Variants in TBCK observed in about 807,000 individuals in gnomAD.
The protein encoded by TBCK is TBC1 domain containing kinase.
In TBCK, 99 loss-of-function variants were observed where a neutral mutation model predicts 113.4. The ratio of observed to expected loss-of-function variants is 0.87; its 90% CI spans 0.74 to 1.03. TBCK has a LOEUF of 1.03. Ranked by LOEUF, TBCK falls within the 50% of genes least tolerant of loss-of-function variation. The probability of loss-of-function intolerance (pLI) is 0.00; values close to 1 mark genes in which losing one functional copy is unlikely to be tolerated. For missense variants in TBCK, 1,045 were observed against 1,061.3 expected, an observed-to-expected ratio of 0.98 and a Z score of 0.21; for synonymous variants, 369 against 370.8, an observed-to-expected ratio of 1.00 and a Z score of 0.05.
At position 106,117,994 on chromosome 4, in the gene TBCK, G is replaced by A. The variant is rs186724219; in HGVS notation, c.2236-1616C>T. Among the ~76,000 whole-genome samples the A allele has an allele frequency of 1.9e-3, 277 of 149,458 alleles. 1 individual carries two copies. The highest frequency in any genetic ancestry group is 1.3e-3 in the Non-Finnish European group (91 of 67,498). On this transcript the variant is annotated intron_variant, in intron 23 of 25. Transcript: ENST00000394708. ...ACTGCACTCCAGCCTGGGTGATAGA[G>A]TGAGACTCCGTCTCAAAAAAAAAAA... is the stretch of plus-strand genomic sequence containing the variant.
intron 3 of TBCK, among the ~76,000 whole-genome samples, chr4:106,279,236 A>T (rs1303957680): frequency 6.6e-6 from 1 of 152,186 alleles, no homozygotes; most frequent in Non-Finnish European, 1.5e-5. Context: ...GAATACAGAA[A>T]ATATAGTCAG....
intron 25 of TBCK, among the ~76,000 whole-genome samples, chr4:106,087,570 A>G (rs1347894305): frequency 6.6e-6 from 1 of 152,214 alleles, no homozygotes; most frequent in Non-Finnish European, 1.5e-5. Flanking sequence ...TCACAGAATT[A>G]GAAAAAACTA....
intron 18 of TBCK, 58 bp downstream of exon 18, chr4:106,231,671 G>A: frequency 6.6e-7 from 1 of 1,504,072 alleles, no homozygotes; most frequent in Non-Finnish European, 9.1e-7. Flanking sequence ...TTTCATGTGT[G>A]AATCAAATAT....
At chr4:106,272,863 C>G (rs1201305829) in intron 3 of TBCK, among the ~76,000 whole-genome samples, 2 of 152,126 alleles carry the variant, frequency 1.3e-5, no homozygotes, top group Non-Finnish European at 2.9e-5. Context: ...ATAAGCAAAG[C>G]AAACCAATCG....
At chr4:106,242,408 A>G in intron 12 of TBCK, 62 bp downstream of exon 12, 2 of 1,246,208 alleles carry the variant, frequency 1.6e-6, no homozygotes, top group Non-Finnish European at 2.2e-6. Flanking sequence ...TTTCTTGTGT[A>G]TCTGTAAGGT....
chr4:106,231,197 T>A (rs1758819662), intron 18 of TBCK, among the ~76,000 whole-genome samples: 2 of 149,730 alleles, frequency 1.3e-5, no homozygotes, highest in Non-Finnish European at 3.0e-5. Context: ...AAGCCTACAA[T>A]AATAAAGTTA....
rs77522692 is a variant in TBCK, at chr4:106,239,916, G to A, written c.1170+2554C>T. On this transcript the variant is annotated intron_variant, in intron 12 of 25. Coordinates refer to ENST00000394708, the MANE Select transcript of TBCK (RefSeq NM_001163435.3). ...ATACCCCTGATACCAAACTAGCATC[G>A]TGCAGTAAAAGAAAAGAAACTCACA... 2.3e-4 allele frequency among the ~76,000 whole-genome samples: 35 copies of A among 151,840 alleles called. No homozygotes were observed. In the East Asian group the frequency reaches 6.4e-3, roughly 28 times the overall value.
intron 7 of TBCK, among the ~76,000 whole-genome samples, chr4:106,249,987 T>C (rs1761249412): frequency 1.3e-5 from 2 of 152,096 alleles, no homozygotes. Context: ...TCCACATACA[T>C]GAAAATTCAT....
At chr4:106,092,694 C>T (rs533846909) in intron 25 of TBCK, among the ~76,000 whole-genome samples, 1 of 152,322 alleles carries the variant, frequency 6.6e-6, no homozygotes, top group Non-Finnish European at 1.5e-5. Context: ...CAGTGCGGGG[C>T]CGTCAAGCCC....
intron 3 of TBCK, among the ~76,000 whole-genome samples, chr4:106,262,580 A>T (rs1242054948): frequency 6.6e-6 from 1 of 152,068 alleles, no homozygotes; most frequent in Non-Finnish European, 1.5e-5. Flanking sequence ...AGTCACTAAA[A>T]ACTATTTTGC....
chr4:106,281,937 T>C (rs558699591), intron 3 of TBCK, among the ~76,000 whole-genome samples: 29 of 152,236 alleles, frequency 1.9e-4, no homozygotes, highest in Admixed American at 1.6e-3. Flanking sequence ...CTTAGAAGAA[T>C]TCCTTCCTCC....
intron 23 of TBCK, among the ~76,000 whole-genome samples, chr4:106,130,589 TACACACACACACACACAC>T (rs70941237): frequency 2.8e-5 from 4 of 142,428 alleles, no homozygotes; most frequent in East Asian, 4.1e-4. Flanking sequence ...TTGCGCTAAA[TACACACACACACACACAC>T]ACACACACAC....
intron 20 of TBCK, among the ~76,000 whole-genome samples, chr4:106,195,851 T>C (rs532022905): frequency 6.6e-6 from 1 of 152,138 alleles, no homozygotes; most frequent in South Asian, 2.1e-4. Flanking sequence ...TCAGCCTCCA[T>C]AAATGTGTGA....
rs1768201778 is a variant in TBCK at position 106,311,567 on chromosome 4, A to G, written c.-29-2578T>C. Among the ~76,000 whole-genome samples, 3 of 152,292 alleles carry G rather than the reference A, an allele frequency of 2.0e-5. No homozygotes were observed. The South Asian group carries it at 6.2e-4, about 32-fold the overall frequency. Reference sequence around the variant, plus strand: ...CAATAAGTAAGGGAATTTAAAAAAAATACTCAGAATATGGGTTACTACCAA... The same window carrying G: ...CAATAAGTAAGGGAATTTAAAAAAAGTACTCAGAATATGGGTTACTACCAA... On this transcript the variant is annotated intron_variant, in intron 1 of 25. Transcript: ENST00000394708.
intron 3 of TBCK, among the ~76,000 whole-genome samples, chr4:106,290,156 A>G (rs1279859118): frequency 6.6e-6 from 1 of 152,108 alleles, no homozygotes; most frequent in Admixed American, 6.5e-5. Context: ...TGAACTAGTG[A>G]GCAAGGAATA....
At chr4:106,144,461 A>G (rs1419814720) in intron 23 of TBCK, among the ~76,000 whole-genome samples, 1 of 152,160 alleles carries the variant, frequency 6.6e-6, no homozygotes, top group Admixed American at 6.5e-5. Context: ...GATGCAGTCC[A>G]TGCTACTATG....
chr4:106,277,350 C>T (rs1415502256), intron 3 of TBCK, among the ~76,000 whole-genome samples: 1 of 151,798 alleles, frequency 6.6e-6, no homozygotes, highest in African/African-American at 2.4e-5. Context: ...AGTATTTCCT[C>T]ATGAAAAATG....
At chr4:106,258,327 T>C (rs1387183948) in intron 5 of TBCK, among the ~76,000 whole-genome samples, 1 of 152,102 alleles carries the variant, frequency 6.6e-6, no homozygotes, top group Non-Finnish European at 1.5e-5. Context: ...CTTTACAGTA[T>C]TTTGAAACAG....
intron 23 of TBCK, among the ~76,000 whole-genome samples, chr4:106,148,296 T>C (rs186167266): frequency 1.3e-5 from 2 of 152,318 alleles, no homozygotes; most frequent in African/African-American, 4.8e-5. Flanking sequence ...CCCTCCCCTT[T>C]TGAAAGTCCC....
Sources: gnomAD v4.1 joint callset for allele counts (sites outside exome capture counted in the v4.1 genomes callset) on GRCh38, gnomAD v4.1.1 for gene constraint, MANE v1.5 for transcripts, NCBI Gene and HGNC (gene_info 2026-07-23, HGNC 2026-07-21) for gene names.